The following ALG1 variants were observed in gnomAD, a reference collection of about 807,000 sequenced individuals.
ALG1 encodes ALG1 chitobiosyldiphosphodolichol beta-mannosyltransferase.
In ALG1, 58 loss-of-function variants were observed where a neutral mutation model predicts 55.1. The observed-to-expected ratio is 1.05, with a 90% CI of 0.85 to 1.31. ALG1 has a LOEUF of 1.31. ALG1 is among the 50% of genes most tolerant of loss of function. The pLI, the probability that ALG1 is intolerant of heterozygous loss-of-function variation, is 0.00. For synonymous variants in ALG1, 309 were observed against 247.0 expected (o/e 1.25, Z -2.35); for missense variants, 761 against 598.6 (o/e 1.27, Z -2.83).
chr16:5,072,869 C>A (rs989815441), intron 1 of ALG1, 82 bp from the exon 2 acceptor site: 1 of 1,278,220 alleles, frequency 7.8e-7, no homozygotes, highest in African/African-American at 1.5e-5. Flanking sequence ...AAACACTGTC[C>A]GTGATTCAGC....
chr16:5,079,572 C>G (rs1490020875), intron 8 of ALG1, among the ~76,000 whole-genome samples, 176 bp from the exon 9 acceptor site: 1 of 151,994 alleles, frequency 6.6e-6, no homozygotes, highest in Non-Finnish European at 1.5e-5. Flanking sequence ...GCCTGTCATC[C>G]CAGCTACTTG....
At chr16:5,075,597 G>T (rs1269704723) in intron 4 of ALG1, 61 bp downstream of exon 4, 118 of 1,604,310 alleles carry the variant, frequency 7.4e-5, no homozygotes, top group Non-Finnish European at 9.3e-5. Context: ...TGAGTGAGAA[G>T]AAGGGCCATA....
intron 3 of ALG1, among the ~76,000 whole-genome samples, chr16:5,073,704 G>T (rs555164942): frequency 1.1e-4 from 17 of 152,196 alleles, no homozygotes; most frequent in Non-Finnish European, 2.4e-4. Context: ...GCATACGCGC[G>T]CACACACAAA....
chr16:5,073,804 T>A (rs1956862809), intron 3 of ALG1, among the ~76,000 whole-genome samples: 1 of 152,252 alleles, frequency 6.6e-6, no homozygotes, highest in South Asian at 2.1e-4. Context: ...AACCTCTGCC[T>A]GCCGGGTTCA....
chr16:5,072,281 C>G (rs943281752), intron 1 of ALG1: 3 of 1,441,238 alleles, frequency 2.1e-6, no homozygotes, highest in South Asian at 2.9e-5. Flanking sequence ...GAATCCATTG[C>G]GTGGTCTCAC....
rs149695050 is a variant in ALG1, at chr16:5,073,227, A to C, written c.361A>C (p.Arg121=). The change falls in exon 3 of 13, where the codon AGG becomes CGG. Residue 121 remains arginine (R), a synonymous_variant. Coordinates refer to ENST00000262374, the MANE Select transcript of ALG1 (RefSeq NM_019109.5). ...AMYLLWKLMW[R]EPGAYIFLQN... Reference sequence around the variant, plus strand: ...GTACTTGCTGTGGAAGTTGATGTGGAGGGAGCCAGGTGCCTATATCTTTCT... The same window carrying C: ...GTACTTGCTGTGGAAGTTGATGTGGCGGGAGCCAGGTGCCTATATCTTTCT... 35 of 1,614,044 alleles carry C rather than the reference A, an allele frequency of 2.2e-5. No homozygotes were observed. In the African/African-American group the frequency reaches 4.4e-4, roughly 20 times the overall value.
At chr16:5,077,410 C>G in intron 4 of ALG1, 35 bp from the exon 5 acceptor site, 1 of 1,579,362 alleles carries the variant, frequency 6.3e-7, no homozygotes, top group South Asian at 1.1e-5. Flanking sequence ...GGAGGCCTGT[C>G]TAGGGCTCTG....
At chr16:5,077,299 A>G (rs1202807993) in intron 4 of ALG1, 146 bp from the exon 5 acceptor site, 6 of 744,798 alleles carry the variant, frequency 8.1e-6, no homozygotes, top group Non-Finnish European at 9.5e-6. Flanking sequence ...TACAGCATAA[A>G]GAAAGAACAC....
intron 3 of ALG1, among the ~76,000 whole-genome samples, chr16:5,075,008 A>G (rs1956883315): frequency 6.6e-6 from 1 of 152,014 alleles, no homozygotes. Context: ...GGCTCAAGTG[A>G]TCCTACCTCC....
At position 5,086,846 on chromosome 16, in the gene ALG1, T is replaced by A. The variant is rs185462012; in HGVS notation, c.*1965T>A. 3.3e-5 allele frequency: 5 copies of A among 152,148 alleles called. No homozygotes were observed. Among genetic ancestry groups the A allele is most frequent in the African/African-American group, 1.2e-4 (5 of 41,418 alleles). The allele number at this position is 152,148 out of a possible 1,614,324, so 9.4% of individuals were successfully genotyped here. A position where few individuals can be genotyped will look rare whatever the true frequency, so the allele number is the denominator to read the frequency against. On this transcript the variant is annotated 3_prime_UTR_variant, in exon 13 of 13. Transcript: ENST00000262374. The stretch of plus-strand genomic sequence containing the variant: ...CACGCCTGGCTAATTTTTGTGTTTT[T>A]AGTAGAGATGGGGTTTCACCATGTG...
At chr16:5,072,222 C>G in intron 1 of ALG1, 165 bp downstream of exon 1, 4 of 1,523,830 alleles carry the variant, frequency 2.6e-6, no homozygotes, top group East Asian at 2.5e-5. Flanking sequence ...GGGTGGGTCT[C>G]TAGGTATAGC....
chr16:5,084,139 A>G (rs1230378934), intron 12 of ALG1, among the ~76,000 whole-genome samples: 6 of 152,220 alleles, frequency 3.9e-5, no homozygotes, highest in African/African-American at 1.4e-4. Context: ...TTCTTATTGC[A>G]AAAAGTAATA....
intron 4 of ALG1, among the ~76,000 whole-genome samples, chr16:5,076,491 C>T (rs1051160340): frequency 6.6e-6 from 1 of 152,238 alleles, no homozygotes; most frequent in African/African-American, 2.4e-5. Context: ...ACGATTATGC[C>T]TCTTGCCACA....
chr16:5,076,698 G>A (rs1012780128), intron 4 of ALG1, among the ~76,000 whole-genome samples: 2 of 151,986 alleles, frequency 1.3e-5, no homozygotes, highest in African/African-American at 2.4e-5. Flanking sequence ...GAATCCCTTT[G>A]CCCCACGTTG....
chr16:5,078,671 G>A lies in ALG1; in HGVS notation c.741-86G>A, dbSNP rs1179023856. The stretch of plus-strand genomic sequence containing the variant: ...TGGGCACCCCAACCTCTGGGAGCCT[G>A]CAGGCCTCGCCACGGCAGGAGATGC... On this transcript the variant is annotated intron_variant, in intron 6 of 12. Coordinates refer to ENST00000262374, the MANE Select transcript of ALG1 (RefSeq NM_019109.5). The A allele has an allele frequency of 1.6e-5, 26 of 1,610,626 alleles. No homozygotes were observed. In the South Asian group the frequency reaches 2.3e-4, roughly 14 times the overall value.
chr16:5,076,657 C>T (rs1040469108), intron 4 of ALG1, among the ~76,000 whole-genome samples: 3 of 152,228 alleles, frequency 2.0e-5, no homozygotes, highest in Non-Finnish European at 2.9e-5. Context: ...GGCTCAGTCT[C>T]CGTTAGGAGA....
intron 3 of ALG1, 123 bp downstream of exon 3, chr16:5,073,379 T>C (rs1355262701): frequency 3.6e-6 from 3 of 827,810 alleles, no homozygotes; most frequent in Non-Finnish European, 6.1e-6. Context: ...TTTAAAGACA[T>C]GAGTAGGAGC....
intron 10 of ALG1, among the ~76,000 whole-genome samples, chr16:5,081,641 C>T (rs778993195): frequency 6.6e-6 from 1 of 152,212 alleles, no homozygotes; most frequent in Non-Finnish European, 1.5e-5. Context: ...TTCATGCAAC[C>T]TCTGCCTCCT....
intron 4 of ALG1, among the ~76,000 whole-genome samples, chr16:5,076,042 G>C (rs1348286016): frequency 6.6e-6 from 1 of 152,218 alleles, no homozygotes; most frequent in African/African-American, 2.4e-5. Context: ...ACCCAGGGCT[G>C]CTGTTGGTAG....
Sources: allele counts gnomAD v4.1 joint callset (sites outside exome capture counted in the v4.1 genomes callset), GRCh38; gene constraint gnomAD v4.1.1; transcripts MANE v1.5; gene names NCBI Gene and HGNC (gene_info 2026-07-23, HGNC 2026-07-21).